LIMA1: variants seen among roughly 807,000 people sequenced by gnomAD.
LIMA1 encodes the protein LIM domain and actin-binding protein 1.
A neutral mutation model predicts 62.6 loss-of-function variants in LIMA1; 52 were observed. The observed-to-expected ratio is 0.83, with a 90% confidence interval of 0.67 to 1.05. LIMA1 has a LOEUF of 1.05. Ranked by LOEUF, LIMA1 falls within the 50% of genes least tolerant of loss-of-function variation. LIMA1 has a pLI of 0.00. For missense variants in LIMA1, 780 were observed against 902.2 expected (o/e 0.86, Z 1.74); for synonymous variants, 302 against 317.8 (o/e 0.95, Z 0.53).
At chr12:50,210,840 T>G (rs569487250) in intron 4 of LIMA1, among the ~76,000 whole-genome samples, 1 of 152,192 alleles carries the variant, frequency 6.6e-6, no homozygotes, top group East Asian at 1.9e-4. Context: ...AAAAAGTACA[T>G]GAACAAAGCC....
intron 4 of LIMA1, among the ~76,000 whole-genome samples, chr12:50,217,077 TC>T (rs781770294): frequency 6.6e-5 from 10 of 151,962 alleles, no homozygotes; most frequent in Non-Finnish European, 1.3e-4. Context: ...TATAAAAACA[TC>T]CTTACTTTTC....
chr12:50,247,628 T>TATTATTATTATC (rs1941869549), intron 2 of LIMA1, among the ~76,000 whole-genome samples: 1 of 148,236 alleles, frequency 6.7e-6, no homozygotes, highest in African/African-American at 2.5e-5. Flanking sequence ...TTATTATTAT[T>TATTATTATTATC]ATTATTATTA....
chr12:50,269,918 CAAATAAAAAAAAAA>C (rs1942184672), intron 1 of LIMA1, among the ~76,000 whole-genome samples: 2 of 88,136 alleles, frequency 2.3e-5, no homozygotes, highest in African/African-American at 9.4e-5. Context: ...AAAACTCCGT[CAAATAAAAAAAAAA>C]AAAAAAAAAA....
chr12:50,205,240 GCT>G (rs1491382826), intron 5 of LIMA1, among the ~76,000 whole-genome samples: 2 of 92,264 alleles, frequency 2.2e-5, no homozygotes, highest in Non-Finnish European at 3.8e-5. Flanking sequence ...ACCACGCTGG[GCT>G]TTTTTTTTTT....
intron 3 of LIMA1, among the ~76,000 whole-genome samples, chr12:50,227,749 C>T (rs1333631415): frequency 6.6e-6 from 1 of 152,130 alleles, no homozygotes; most frequent in African/African-American, 2.4e-5. Flanking sequence ...TTGAGTCAGG[C>T]ACTGCCTCTT....
chr12:50,261,783 C>T (rs2138673980), intron 1 of LIMA1, among the ~76,000 whole-genome samples: 1 of 152,252 alleles, frequency 6.6e-6, no homozygotes, highest in Admixed American at 6.5e-5. Flanking sequence ...CCTCCCAGCT[C>T]AACCTCCCAA....
intron 1 of LIMA1, among the ~76,000 whole-genome samples, chr12:50,279,737 C>T (rs1163582325): frequency 1.3e-5 from 2 of 152,150 alleles, no homozygotes; most frequent in Admixed American, 1.3e-4. Context: ...AGACAGAAAC[C>T]ACTGGATACT....
intron 2 of LIMA1, chr12:50,234,164 T>C (rs1031776619): frequency 2.2e-6 from 1 of 454,604 alleles, no homozygotes; most frequent in Non-Finnish European, 4.5e-6. Context: ...GGTCCGGAGA[T>C]TTGTGCAGGT....
intron 6 of LIMA1, 55 bp from the exon 7 acceptor site, chr12:50,200,939 C>T: frequency 1.3e-6 from 2 of 1,583,944 alleles, no homozygotes; most frequent in Non-Finnish European, 1.7e-6. Flanking sequence ...ATTCTGTTCT[C>T]TTCATAGCAC....
chr12:50,281,973 G>C (rs904280813), intron 1 of LIMA1, among the ~76,000 whole-genome samples: 2 of 152,156 alleles, frequency 1.3e-5, no homozygotes, highest in Non-Finnish European at 2.9e-5. Flanking sequence ...TTGGCACTTT[G>C]AATCTACAGT....
chr12:50,240,148 A>T (rs899493214), intron 2 of LIMA1, among the ~76,000 whole-genome samples: 2 of 152,140 alleles, frequency 1.3e-5, no homozygotes, highest in African/African-American at 4.8e-5. Flanking sequence ...TTAGCCAGAC[A>T]AAAGGAAGGG....
At chr12:50,223,907 A>G (rs931310706) in intron 3 of LIMA1, among the ~76,000 whole-genome samples, 2 of 151,504 alleles carry the variant, frequency 1.3e-5, no homozygotes, top group African/African-American at 4.9e-5. Context: ...GCGTGGTGGC[A>G]CGCGCCTGTA....
intron 2 of LIMA1, 74 bp from the exon 3 acceptor site, chr12:50,231,784 T>C: frequency 7.0e-7 from 1 of 1,433,232 alleles, no homozygotes; most frequent in East Asian, 2.3e-5. Context: ...TATCTTTTTT[T>C]GAGATGAAGT....
rs781473171 is a variant in LIMA1, at chr12:50,181,913, T to G, written c.1265A>C (p.Asn422Thr). 1.2e-6 allele frequency: 2 copies of G among 1,614,156 alleles called. No homozygotes were observed. Among genetic ancestry groups the G allele is most frequent in the Non-Finnish European group, 1.7e-6 (2 of 1,180,030 alleles). ...TTTTGGGCTGACTTACCTGAGTTTG[T>G]TGTTGCAATAGGAGCAACGGAAGCA... ...ISCFRCSYCN[N>T]KLSLGTYASL... The change falls in exon 10 of 11, where the codon AAC becomes ACC. Residue 422 changes from asparagine (N) to threonine (T), a missense_variant. Physicochemically the swap from Asn to Thr is moderately conservative, Grantham distance 65. Coordinates refer to ENST00000341247, the MANE Select transcript of LIMA1 (RefSeq NM_016357.5).
At chr12:50,238,874 A>G (rs1941734373) in intron 2 of LIMA1, among the ~76,000 whole-genome samples, 1 of 146,506 alleles carries the variant, frequency 6.8e-6, no homozygotes, top group Non-Finnish European at 1.5e-5. Flanking sequence ...AATCATGAAG[A>G]AAAAAAAAAA....
chr12:50,200,069 A>G (rs1397211837), intron 7 of LIMA1, among the ~76,000 whole-genome samples: 2 of 149,910 alleles, frequency 1.3e-5, no homozygotes, highest in Non-Finnish European at 3.0e-5. Context: ...AATTTTTTGT[A>G]TTTTTATTAG....
In LIMA1 at chr12:50,195,889, TACAA is replaced by T; in HGVS notation, c.973-6_973-3del. 1 of 847,154 alleles carries T rather than the reference TACAA, an allele frequency of 1.2e-6. No homozygotes were observed. The allele number at this position is 847,154 out of a possible 1,614,324, so 52.5% of individuals were successfully genotyped here. ...CAGGCTATTCTCATTTGCAGAAATC[TACAA>T]AAAAAAAAAAAAAAAAAAAGTTAGA... On this transcript the variant is annotated splice_polypyrimidine_tract_variant and splice_region_variant and intron_variant, in intron 7 of 10. Coordinates refer to ENST00000341247, the MANE Select transcript of LIMA1 (RefSeq NM_016357.5).
At chr12:50,227,856 C>CTT (rs1365858204) in intron 3 of LIMA1, among the ~76,000 whole-genome samples, 3 of 139,648 alleles carry the variant, frequency 2.1e-5, no homozygotes, top group South Asian at 2.3e-4. Flanking sequence ...TTTTTTTTTT[C>CTT]TTTTTTTTTT....
At position 50,258,170 on chromosome 12, in the gene LIMA1, G is replaced by A. The variant is rs192184474; in HGVS notation, c.-23-9396C>T. 3.5e-3 allele frequency among the ~76,000 whole-genome samples: 533 copies of A among 152,232 alleles called. 7 individuals carry two copies. The highest frequency in any genetic ancestry group is 0.032 in the Admixed American group (492 of 15,288). ...CCCAAGGAGCCCTGTTTTCTTTTAT[G>A]GGAGAAGTTAGCATCTGGGCACTAC... On this transcript the variant is annotated intron_variant, in intron 1 of 10. Coordinates refer to ENST00000341247, the MANE Select transcript of LIMA1 (RefSeq NM_016357.5).
Sources: gnomAD v4.1 joint callset for allele counts (sites outside exome capture counted in the v4.1 genomes callset) on GRCh38, gnomAD v4.1.1 for gene constraint, MANE v1.5 for transcripts, NCBI Gene and HGNC (gene_info 2026-07-23, HGNC 2026-07-21) for gene names.